The following SHKBP1 variants were observed in gnomAD, a reference collection of about 807,000 sequenced individuals.
The protein encoded by SHKBP1 is SH3KBP1-binding protein 1.
In SHKBP1, 71 loss-of-function variants were observed where a neutral mutation model predicts 83.9. The ratio of observed to expected loss-of-function variants is 0.85; its 90% confidence interval spans 0.70 to 1.03. The LOEUF (loss-of-function observed/expected upper bound fraction) is 1.03, where lower values mean the gene tolerates loss of function less well. Ranked by LOEUF, SHKBP1 falls within the 50% of genes least tolerant of loss-of-function variation. The pLI is 0.00. For synonymous variants in SHKBP1, 371 were observed against 398.0 expected, an observed-to-expected ratio of 0.93 and a Z score of 0.81; for missense variants, 824 against 982.4, an observed-to-expected ratio of 0.84 and a Z score of 2.16.
rs374265391 is a variant in SHKBP1 at position 40,581,824 on chromosome 19, A to G, written c.845-527A>G. On this transcript the variant is annotated intron_variant, in intron 9 of 17. Coordinates refer to ENST00000291842, the MANE Select transcript of SHKBP1 (RefSeq NM_138392.4). The stretch of plus-strand genomic sequence containing the variant: ...GTGGAGGTTTTTTTGCCTTATTGCA[A>G]ATCTCAGTGCTGTTAGAATTCCAGA... Among the ~76,000 whole-genome samples, 22 of 152,216 alleles carry G rather than the reference A, an allele frequency of 1.4e-4. 1 individual carries two copies. The highest frequency in any genetic ancestry group is 5.3e-4 in the African/African-American group (22 of 41,536).
chr19:40,583,789 A>G, intron 12 of SHKBP1, 72 bp downstream of exon 12: 2 of 1,173,842 alleles, frequency 1.7e-6, no homozygotes, highest in Admixed American at 1.7e-5. Flanking sequence ...CTGTCCCCCA[A>G]CTTGTGTAGC....
chr19:40,588,743 G>C lies in SHKBP1; in HGVS notation c.1456G>C (p.Asp486His). ...SFKILALESA[D>H]GHGGCSAGND... is the part of the protein sequence containing the mutation. ...TAAGATCCTGGCTCTGGAGTCGGCA[G>C]ATGGGCATGGCGGCTGCAGTGCTGG... The change falls in exon 14 of 18, where the codon GAT becomes CAT. Residue 486 changes from aspartate (D) to histidine (H), a missense_variant. Asp to His is a moderately conservative substitution (Grantham distance 81). Coordinates refer to ENST00000291842, the MANE Select transcript of SHKBP1 (RefSeq NM_138392.4). The C allele has an allele frequency of 6.2e-7, 1 of 1,613,978 alleles. No individual in the cohort carries two copies. Among genetic ancestry groups the C allele is most frequent in the Non-Finnish European group, 8.5e-7 (1 of 1,180,026 alleles).
In SHKBP1 at chr19:40,577,221, C is replaced by T. The variant is rs367580869; in HGVS notation, c.87-10C>T. The T allele has an allele frequency of 6.2e-7, 1 of 1,613,106 alleles. No individual in the cohort carries two copies. The highest frequency in any genetic ancestry group is 1.7e-5 in the Admixed American group (1 of 59,982). ...TTCATCTCTTGCGTCCGTTTACCTT[C>T]CCCGCCCAGATTCAGTACCTCTCGC... is the stretch of plus-strand genomic sequence containing the variant. On this transcript the variant is annotated splice_polypyrimidine_tract_variant and intron_variant, in intron 1 of 17. Transcript: ENST00000291842.
rs1368231820 is a variant in SHKBP1, at chr19:40,583,638, C to T, written c.1086C>T (p.Asp362=). 7 of 1,613,668 alleles carry T rather than the reference C, an allele frequency of 4.3e-6. No individual in the cohort carries two copies. The highest frequency in any genetic ancestry group is 4.2e-6 in the Non-Finnish European group (5 of 1,179,810). Residue 362 remains aspartate, a synonymous_variant, in exon 12 of 18, where the codon GAC becomes GAT. Transcript: ENST00000291842. ...QKFPLRMKDN[D]LLVSELYRDP... ...TCCCCTTGCGCATGAAAGACAACGA[C>T]CTCCTTGTCAGCGAGCTCTATCGGG...
chr19:40,584,544 A>AC lies in SHKBP1; in HGVS notation c.1165+832dup, dbSNP rs1210881900. ...GAACAAATTCCAGAGTATGTTCATC[A>AC]CCCCCGTAAGAAACCCCCTGATCTT... On this transcript the variant is annotated intron_variant, in intron 12 of 17. Transcript: ENST00000291842. Among the ~76,000 whole-genome samples the AC allele has an allele frequency of 4.6e-5, 7 of 152,224 alleles. No homozygotes were observed. In the East Asian group the frequency reaches 1.2e-3, roughly 25 times the overall value.
At position 40,591,286 on chromosome 19, in the gene SHKBP1, C is replaced by T. The variant is rs1222827322; in HGVS notation, c.*79C>T. The T allele has an allele frequency of 3.5e-5, 46 of 1,297,994 alleles. No homozygotes were observed. Among genetic ancestry groups the T allele is most frequent in the Admixed American group, 1.0e-4 (4 of 38,892 alleles). The allele number at this position is 1,297,994 out of a possible 1,614,324, so 80.4% of individuals were successfully genotyped here. On this transcript the variant is annotated 3_prime_UTR_variant, in exon 18 of 18. Transcript: ENST00000291842. ...GCCTCCCTGATTCCTGTGGGAACCC[C>T]GGGTTCAGGGCCAGGGCCTCCTTGG...
rs1341822587 is a variant in SHKBP1, at chr19:40,577,639, G to T, written c.260+9G>T. 1.9e-6 allele frequency: 3 copies of T among 1,614,008 alleles called. No homozygotes were observed. Among genetic ancestry groups the T allele is most frequent in the South Asian group, 1.1e-5 (1 of 91,074 alleles). On this transcript the variant is annotated intron_variant, in intron 4 of 17. Transcript: ENST00000291842. ...AAAGAGTTGGATCCCAGGTTGGCAT[G>T]GAAAAAGGGGAGGGAGTCCCTCACT...
Position 40,580,863 on chromosome 19 carries a change from G to A in SHKBP1, c.771G>A (p.Lys257=), listed in dbSNP as rs759300693. Residue 257 remains lysine, a synonymous_variant, in exon 9 of 18, where the codon AAG becomes AAA. Coordinates refer to ENST00000291842, the MANE Select transcript of SHKBP1 (RefSeq NM_138392.4). ...VHGGALGEHD[K]MVAAATGSEI... ...GTGGGGCTTTGGGTGAACATGACAA[G>A]ATGGTGGCAGCAGCCACCGGCAGCG... The A allele has an allele frequency of 6.2e-7, 1 of 1,612,870 alleles. No individual in the cohort carries two copies. Among genetic ancestry groups the A allele is most frequent in the Non-Finnish European group, 8.5e-7 (1 of 1,179,362 alleles).
chr19:40,588,854 C>T (rs62107906), intron 14 of SHKBP1, 75 bp downstream of exon 14: 2 of 1,554,996 alleles, frequency 1.3e-6, no homozygotes, highest in East Asian at 4.7e-5. Flanking sequence ...CTGATTCCCA[C>T]TTGCGGCCAC....
In SHKBP1 at chr19:40,590,743, G is replaced by A. The variant is rs202041141; in HGVS notation, c.1782G>A (p.Thr594=). ...CGTGCCCCCCAGCAGGTGGCCTGAC[G>A]GAGCAAGAGCTGATGGAACAGCTGG... ...GLGQAPAGGL[T]EQELMEQLEH... Residue 594 remains threonine (T), a synonymous_variant, in exon 17 of 18, where the codon ACG becomes ACA. Coordinates refer to ENST00000291842, the MANE Select transcript of SHKBP1 (RefSeq NM_138392.4). This position sits in a 1 kb window ranked among gnomAD's most constrained non-coding sequence, Gnocchi z 4.6. The A allele has an allele frequency of 1.7e-5, 27 of 1,593,540 alleles. No homozygotes were observed. Among genetic ancestry groups the A allele is most frequent in the Admixed American group, 3.4e-5 (2 of 59,280 alleles).
chr19:40,580,167 A>G (rs1183023081), intron 6 of SHKBP1, 157 bp from the exon 7 acceptor site: 1 of 793,006 alleles, frequency 1.3e-6, no homozygotes, highest in Non-Finnish European at 2.0e-6. Flanking sequence ...TATGTGGTTC[A>G]GTGTCATTTC....
At chr19:40,588,601 C>T (rs1436387220) in intron 13 of SHKBP1, 23 bp from the exon 14 acceptor site, 4 of 1,613,802 alleles carry the variant, frequency 2.5e-6, no homozygotes, top group Non-Finnish European at 3.4e-6. Context: ...GGCCTGACTT[C>T]CTGCTCTCCT....
rs58880858 is a variant in SHKBP1 at position 40,577,948 on chromosome 19, TACACACACAC to T, written c.261-171_261-162del. 7.8e-3 allele frequency: 4,425 copies of T among 567,012 alleles called. 13 individuals carry two copies. The highest frequency in any genetic ancestry group is 0.023 in the African/African-American group (1,169 of 50,576). 35.1% of individuals were successfully genotyped at this position (567,012 alleles called of 1,614,324 possible). On this transcript the variant is annotated intron_variant, in intron 4 of 17. Transcript: ENST00000291842. ...AATTTTATGTCCTTCGATTTCTCCC[TACACACACAC>T]ACACACACACACACACACACACACA...
At position 40,578,275 on chromosome 19, in the gene SHKBP1, G is replaced by T. The variant is rs532464813; in HGVS notation, c.319+63G>T. 64 of 1,546,798 alleles carry T rather than the reference G, an allele frequency of 4.1e-5. No individual in the cohort carries two copies. The South Asian group carries it at 6.6e-4, about 16-fold the overall frequency. On this transcript the variant is annotated intron_variant, in intron 5 of 17. Coordinates refer to ENST00000291842, the MANE Select transcript of SHKBP1 (RefSeq NM_138392.4). ...GAAAACCAACTCTGTGATGCTACCT[G>T]CCCCTCTTCCCCTTCTCTCCTGAAA...
chr19:40,588,738 C>A lies in SHKBP1; in HGVS notation c.1451C>A (p.Ser484Ter). 6.2e-7 allele frequency: 1 copy of A among 1,614,026 alleles called. No individual in the cohort carries two copies. The highest frequency in any genetic ancestry group is 8.5e-7 in the Non-Finnish European group (1 of 1,180,026). The change falls in exon 14 of 18, where the codon TCG (serine) becomes TAG (stop). Residue 484 changes from serine to a stop codon, truncating the protein, a stop_gained. Transcript: ENST00000291842. LOFTEE classifies it high-confidence loss of function. Reference protein sequence around the residue: ...LASFKILALESADGHGGCSAG... With the variant: ...LASFKILALE ...TCCTTTAAGATCCTGGCTCTGGAGT[C>A]GGCAGATGGGCATGGCGGCTGCAGT...
At chr19:40,578,419 C>T (rs1475566152) in intron 5 of SHKBP1, 43 bp from the exon 6 acceptor site, 4 of 1,605,158 alleles carry the variant, frequency 2.5e-6, no homozygotes, top group African/African-American at 1.3e-5. Flanking sequence ...GGGGTGGCCT[C>T]AGCATCTCCC....
At chr19:40,589,574 C>T (rs1442617945) in intron 15 of SHKBP1, among the ~76,000 whole-genome samples, 2 of 129,828 alleles carry the variant, frequency 1.5e-5, no homozygotes, top group Admixed American at 7.6e-5. Flanking sequence ...GGGCAGGGGT[C>T]GGGATGGGAT....
In SHKBP1 at chr19:40,587,542, G is replaced by A. The variant is rs375588571; in HGVS notation, c.1336+598G>A. 1.1e-4 allele frequency among the ~76,000 whole-genome samples: 17 copies of A among 152,292 alleles called. No homozygotes were observed. The South Asian group carries it at 1.9e-3, about 17-fold the overall frequency. ...GGAGGCGGAGATTGCAGAGAGCCCA[G>A]ATCATGCTACTGCACTCCAGCCTAG... is the stretch of plus-strand genomic sequence containing the variant. On this transcript the variant is annotated intron_variant, in intron 13 of 17. Coordinates refer to ENST00000291842, the MANE Select transcript of SHKBP1 (RefSeq NM_138392.4).
At chr19:40,577,050 T>A in intron 1 of SHKBP1, 65 bp downstream of exon 1, 3 of 1,252,974 alleles carry the variant, frequency 2.4e-6, no homozygotes, top group Non-Finnish European at 2.2e-6. Flanking sequence ...AGTATCCGCC[T>A]CTCCTGGGGG....
Sources: gnomAD v4.1 joint callset for allele counts (sites outside exome capture counted in the v4.1 genomes callset) on GRCh38, gnomAD v4.1.1 for gene constraint, Gnocchi (gnomAD v3.1) non-coding constraint, MANE v1.5 for transcripts, NCBI Gene and HGNC (gene_info 2026-07-23, HGNC 2026-07-21) for gene names.